HYDIN: variants seen among roughly 807,000 people sequenced by gnomAD.
The protein encoded by HYDIN is axonemal central pair apparatus protein HYDIN.
A neutral mutation model predicts 403.9 loss-of-function variants in HYDIN; 132 were observed. The observed-to-expected ratio is 0.33, with a 90% CI of 0.28 to 0.38. The LOEUF (loss-of-function observed/expected upper bound fraction) is 0.38, where lower values mean the gene tolerates loss of function less well. Among genes scored for constraint, HYDIN ranks in the 10% least tolerant of loss-of-function variants. The pLI is 1.00. For missense variants in HYDIN, 2,827 were observed against 5,009.5 expected, an observed-to-expected ratio of 0.56 and a Z score of 13.15; for synonymous variants, 1,202 against 1,891.7, an observed-to-expected ratio of 0.64 and a Z score of 9.46.
At chr16:70,915,936 G>GTT (rs753685370) in intron 47 of HYDIN, among the ~76,000 whole-genome samples, 510 of 152,280 alleles carry the variant, frequency 3.3e-3, no homozygotes, top group Middle Eastern at 6.8e-3. Context: ...AAAGCCAGCA[G>GTT]TTACAGGCCT....
intron 8 of HYDIN, among the ~76,000 whole-genome samples, chr16:71,135,688 C>G: frequency 6.6e-6 from 1 of 152,178 alleles, no homozygotes; most frequent in South Asian, 2.1e-4. Flanking sequence ...GTCGGGGAAC[C>G]AGGGCAAAGG....
intron 6 of HYDIN, 51 bp from the exon 7 acceptor site, chr16:71,152,834 A>G (rs745735886): frequency 2.9e-5 from 46 of 1,583,742 alleles, no homozygotes; most frequent in Admixed American, 3.4e-5. Flanking sequence ...GACTAGTGTG[A>G]GACGGGGAGG....
At chr16:71,119,155 T>A (rs1176902150) in intron 9 of HYDIN, among the ~76,000 whole-genome samples, 1 of 147,054 alleles carries the variant, frequency 6.8e-6, no homozygotes, top group Non-Finnish European at 1.5e-5. Context: ...ATCCCAGCAA[T>A]CCAGGGTCCA....
At chr16:71,201,046 GA>G (rs139747107) in intron 1 of HYDIN, among the ~76,000 whole-genome samples, 16 of 152,308 alleles carry the variant, frequency 1.1e-4, no homozygotes, top group Non-Finnish European at 1.8e-4. Context: ...GATCTCAGCT[GA>G]AACAGCACTT....
intron 66 of HYDIN, among the ~76,000 whole-genome samples, chr16:70,867,022 C>A (rs1326212184): frequency 1.8e-5 from 2 of 113,970 alleles, no homozygotes; most frequent in Non-Finnish European, 3.7e-5. Context: ...AAAACTCTGT[C>A]CCCCTCAAAA....
In HYDIN at chr16:70,947,384, T is replaced by C. The variant is rs558591228; in HGVS notation, c.6532-3435A>G. On this transcript the variant is annotated intron_variant, in intron 41 of 85. Transcript: ENST00000393567. ...TTGAACCAGCCTTGCATCCCAGGGA[T>C]GAAGCCCACTTGATCATGGTGGATA... 9.9e-5 allele frequency among the ~76,000 whole-genome samples: 15 copies of C among 152,222 alleles called. No homozygotes were observed. In the East Asian group the frequency reaches 2.9e-3, roughly 29 times the overall value.
At chr16:71,061,614 C>T (rs916499158) in intron 17 of HYDIN, among the ~76,000 whole-genome samples, 13 of 152,056 alleles carry the variant, frequency 8.5e-5, no homozygotes, top group African/African-American at 3.1e-4. Context: ...GGCACATTAG[C>T]TTGAGTAGGC....
intron 76 of HYDIN, among the ~76,000 whole-genome samples, chr16:70,838,408 C>A (rs2037588487): frequency 6.6e-6 from 1 of 152,122 alleles, no homozygotes; most frequent in African/African-American, 2.4e-5. Context: ...CCAGGCTGAT[C>A]TTGAACTTCT....
intron 1 of HYDIN, among the ~76,000 whole-genome samples, chr16:71,188,400 C>A (rs2087259108): frequency 6.6e-6 from 1 of 152,176 alleles, no homozygotes; most frequent in Admixed American, 6.5e-5. Context: ...ACATCCAAAC[C>A]AAATTTTGGT....
chr16:70,917,190 G>A (rs2076866380), intron 47 of HYDIN, among the ~76,000 whole-genome samples: 1 of 152,244 alleles, frequency 6.6e-6, no homozygotes, highest in African/African-American at 2.4e-5. Context: ...CCAAAGTGTG[G>A]GGATTACAGG....
chr16:71,000,874 A>C (rs2079683966), intron 23 of HYDIN, among the ~76,000 whole-genome samples: 1 of 152,232 alleles, frequency 6.6e-6, no homozygotes, highest in Non-Finnish European at 1.5e-5. Flanking sequence ...TACTGCTCTC[A>C]GGGGACTTCA....
chr16:71,090,428 G>A (rs996818131), intron 11 of HYDIN: 10 of 151,696 alleles, frequency 6.6e-5, no homozygotes, highest in Non-Finnish European at 1.2e-4. Context: ...ATTAATTTAT[G>A]TAATTTTTAG....
At chr16:71,176,087 C>T (rs889164828) in intron 4 of HYDIN, among the ~76,000 whole-genome samples, 5 of 152,012 alleles carry the variant, frequency 3.3e-5, no homozygotes, top group Admixed American at 1.3e-4. Flanking sequence ...AGGAGGATCA[C>T]GAGGTCAGGA....
At chr16:71,066,918 G>A in intron 15 of HYDIN, 1 of 604,972 alleles carries the variant, frequency 1.7e-6, no homozygotes. Flanking sequence ...CCTTCCTATT[G>A]CATAACTCTG....
intron 58 of HYDIN, among the ~76,000 whole-genome samples, chr16:70,889,006 T>C (rs1445885189): frequency 2.0e-5 from 3 of 151,636 alleles, no homozygotes; most frequent in Non-Finnish European, 4.4e-5. Flanking sequence ...GCTTTCTTTT[T>C]GTCTGTGTCT....
At chr16:70,979,453 T>G (rs568465285) in intron 29 of HYDIN, among the ~76,000 whole-genome samples, 2 of 152,230 alleles carry the variant, frequency 1.3e-5, no homozygotes, top group East Asian at 3.9e-4. Flanking sequence ...ACTTTTTATG[T>G]TTATTAAATC....
chr16:71,072,476 C>G (rs993623937), intron 13 of HYDIN, among the ~76,000 whole-genome samples: 2 of 152,156 alleles, frequency 1.3e-5, no homozygotes, highest in Non-Finnish European at 2.9e-5. Flanking sequence ...AAGTTTCCCA[C>G]CTGGGGAATG....
At chr16:71,215,868 T>C (rs1319273945) in intron 1 of HYDIN, among the ~76,000 whole-genome samples, 2 of 150,026 alleles carry the variant, frequency 1.3e-5, no homozygotes, top group East Asian at 2.0e-4. Flanking sequence ...CTAATAAATA[T>C]ATGAAACATG....
intron 45 of HYDIN, among the ~76,000 whole-genome samples, chr16:70,927,768 C>T (rs184674961): frequency 3.3e-5 from 5 of 152,242 alleles, no homozygotes; most frequent in African/African-American, 4.8e-5. Flanking sequence ...TGCCGACAGC[C>T]GACATCTCAA....
Sources: allele counts gnomAD v4.1 joint callset (sites outside exome capture counted in the v4.1 genomes callset), GRCh38; gene constraint gnomAD v4.1.1; transcripts MANE v1.5; gene names NCBI Gene and HGNC (gene_info 2026-07-23, HGNC 2026-07-21).